Variants in ALK observed in about 807,000 individuals in gnomAD.
ALK encodes ALK receptor tyrosine kinase.
Under a neutral mutation model 163.1 loss-of-function variants are expected in ALK, and 74 were observed. That is an observed-to-expected ratio of 0.45 (90% confidence interval 0.38 to 0.55). The LOEUF is 0.55. Ranked by LOEUF, ALK falls within the 20% of genes least tolerant of loss-of-function variation. ALK has a pLI of 0.00. For missense variants in ALK, 2,063 were observed against 2,105.3 expected (o/e 0.98, Z 0.39); for synonymous variants, 960 against 843.2 (o/e 1.14, Z -2.40).
intron 1 of ALK, among the ~76,000 whole-genome samples, chr2:29,731,712 G>A (rs1461513732): frequency 6.6e-6 from 1 of 152,162 alleles, no homozygotes; most frequent in Admixed American, 6.5e-5. Context: ...ATCTCCAAAT[G>A]TAAACCAAAG....
intron 4 of ALK, among the ~76,000 whole-genome samples, chr2:29,518,572 C>T (rs1161080983): frequency 6.6e-6 from 1 of 152,104 alleles, no homozygotes. Context: ...ATAAAGCTAG[C>T]GAAAGGGTGA....
intron 1 of ALK, among the ~76,000 whole-genome samples, chr2:29,881,278 C>T (rs867943744): frequency 9.9e-5 from 15 of 152,180 alleles, no homozygotes; most frequent in Non-Finnish European, 1.5e-4. Flanking sequence ...AGGCTGCTCC[C>T]GACCCACTCA....
At chr2:29,398,117 G>A (rs1027088455) in intron 4 of ALK, among the ~76,000 whole-genome samples, 3 of 152,182 alleles carry the variant, frequency 2.0e-5, no homozygotes, top group African/African-American at 7.2e-5. Context: ...AGAGGCAGGG[G>A]CACATGCAGG....
intron 3 of ALK, among the ~76,000 whole-genome samples, chr2:29,686,580 T>A (rs550911566): frequency 2.1e-4 from 32 of 152,296 alleles, no homozygotes; most frequent in African/African-American, 7.5e-4. Flanking sequence ...AGAGGTAAAG[T>A]GATGCTCCTA....
At chr2:29,778,718 T>C (rs983761274) in intron 1 of ALK, among the ~76,000 whole-genome samples, 4 of 152,026 alleles carry the variant, frequency 2.6e-5, no homozygotes, top group South Asian at 2.1e-4. Context: ...TACAACTCTG[T>C]CCATCAAAAA....
rs778130597 is a variant in ALK at position 29,536,653 on chromosome 2, C to T, written c.953-4537G>A. Among the ~76,000 whole-genome samples, 28 of 152,116 alleles carry T rather than the reference C, an allele frequency of 1.8e-4. No individual in the cohort carries two copies. In the Middle Eastern group the frequency reaches 0.01, roughly 55 times the overall value. On this transcript the variant is annotated intron_variant, in intron 3 of 28. Transcript: ENST00000389048. ...TAGAAGTAACTTTGGAACTGAGTAA[C>T]GGGCAGGGGTTGGAGGAATTTGGGC... is the stretch of plus-strand genomic sequence containing the variant.
At chr2:29,764,135 TC>T (rs1188221035) in intron 1 of ALK, among the ~76,000 whole-genome samples, 1 of 152,112 alleles carries the variant, frequency 6.6e-6, no homozygotes, top group Non-Finnish European at 1.5e-5. Flanking sequence ...TTGGGGTCAA[TC>T]CCCTCATGTT....
chr2:29,386,281 G>A (rs1669029829), intron 4 of ALK, among the ~76,000 whole-genome samples: 3 of 152,192 alleles, frequency 2.0e-5, no homozygotes, highest in Admixed American at 2.0e-4. Flanking sequence ...GCTGTAGAAG[G>A]GATTATTGCT....
At chr2:29,670,534 G>A (rs1677651737) in intron 3 of ALK, among the ~76,000 whole-genome samples, 1 of 151,954 alleles carries the variant, frequency 6.6e-6, no homozygotes, top group Non-Finnish European at 1.5e-5. Flanking sequence ...ATAGACCTTG[G>A]ATTTGTATAT....
intron 3 of ALK, among the ~76,000 whole-genome samples, chr2:29,679,849 T>C (rs1678009310): frequency 6.6e-6 from 1 of 152,014 alleles, no homozygotes; most frequent in Non-Finnish European, 1.5e-5. Context: ...CCTGAAACAC[T>C]TCCTTAGTAT....
chr2:29,772,702 G>C (rs1681060482), intron 1 of ALK, among the ~76,000 whole-genome samples: 1 of 152,236 alleles, frequency 6.6e-6, no homozygotes, highest in South Asian at 2.1e-4. Flanking sequence ...GTAAGGGGTA[G>C]AGGACTACTG....
chr2:29,783,329 C>A lies in ALK; in HGVS notation c.668-65632G>T, dbSNP rs113345047. On this transcript the variant is annotated intron_variant, in intron 1 of 28. Coordinates refer to ENST00000389048, the MANE Select transcript of ALK (RefSeq NM_004304.5). ...TGGAATACTGAAAGGGCCTAGGCAA[C>A]AATGTTCAATTATGTGTCAAGTCAC... Among the ~76,000 whole-genome samples, 583 of 152,294 alleles carry A rather than the reference C, an allele frequency of 3.8e-3. 1 individual carries two copies. Among genetic ancestry groups the A allele is most frequent in the African/African-American group, 0.013 (553 of 41,552 alleles).
chr2:29,594,908 C>CG (rs1675166430), intron 3 of ALK, among the ~76,000 whole-genome samples: 1 of 38,620 alleles, frequency 2.6e-5, no homozygotes, highest in Non-Finnish European at 5.2e-5. Flanking sequence ...GGGTGGGGGG[C>CG]GGGGGGCAAA....
intron 1 of ALK, among the ~76,000 whole-genome samples, chr2:29,905,957 GAGA>G (rs1230833137): frequency 6.6e-6 from 1 of 152,166 alleles, no homozygotes; most frequent in Non-Finnish European, 1.5e-5. Context: ...TCTCATCTCA[GAGA>G]AGGAGGTTGT....
chr2:29,287,093 G>A (rs2148223600), intron 9 of ALK, among the ~76,000 whole-genome samples: 1 of 152,246 alleles, frequency 6.6e-6, no homozygotes, highest in African/African-American at 2.4e-5. Flanking sequence ...CATTGCAAAA[G>A]CTAAGAAACT....
intron 4 of ALK, among the ~76,000 whole-genome samples, chr2:29,391,272 G>A (rs1669162213): frequency 6.8e-6 from 1 of 146,684 alleles, no homozygotes; most frequent in African/African-American, 2.5e-5. Context: ...CAACATAAAT[G>A]GTCCTGAGCT....
intron 8 of ALK, among the ~76,000 whole-genome samples, chr2:29,312,891 T>A (rs1251671128): frequency 6.6e-6 from 1 of 152,206 alleles, no homozygotes. Flanking sequence ...TGTCACAGCA[T>A]CAGATGAGAT....
chr2:29,425,703 G>C (rs115684742), intron 4 of ALK, among the ~76,000 whole-genome samples: 1 of 152,154 alleles, frequency 6.6e-6, no homozygotes, highest in Non-Finnish European at 1.5e-5. Context: ...CAGAGATTTT[G>C]CCCAGGGAGA....
At chr2:29,664,412 C>G (rs2541177) in intron 3 of ALK, among the ~76,000 whole-genome samples, 129,715 of 152,064 alleles carry the variant, frequency 0.85, 55,634 homozygotes, top group African/African-American at 0.94. Context: ...CTCAGACTCA[C>G]AGCCTTTTTG....
Sources: gnomAD v4.1 joint callset for allele counts (sites outside exome capture counted in the v4.1 genomes callset) on GRCh38, gnomAD v4.1.1 for gene constraint, MANE v1.5 for transcripts, NCBI Gene and HGNC (gene_info 2026-07-23, HGNC 2026-07-21) for gene names.